SLC4A4: variants seen among roughly 807,000 people sequenced by gnomAD.
SLC4A4 encodes the protein electrogenic sodium bicarbonate cotransporter 1.
In SLC4A4, 27 loss-of-function variants were observed where a neutral mutation model predicts 111.5. That is an observed-to-expected ratio of 0.24 (90% CI 0.18 to 0.33). The LOEUF is 0.33. SLC4A4 is among the 10% of genes least tolerant of loss of function. The probability of loss-of-function intolerance (pLI) is 1.00; values close to 1 mark genes in which losing one functional copy is unlikely to be tolerated. For synonymous variants in SLC4A4, 443 were observed against 463.4 expected, an observed-to-expected ratio of 0.96 and a Z score of 0.57; for missense variants, 909 against 1,315.5, an observed-to-expected ratio of 0.69 and a Z score of 4.78.
chr4:71,372,954 A>C (rs1732020819), intron 6 of SLC4A4, among the ~76,000 whole-genome samples: 1 of 152,148 alleles, frequency 6.6e-6, no homozygotes. Context: ...CTGAATTGTA[A>C]GTGGACATTT....
rs561131915 is a variant in SLC4A4 at position 71,240,458 on chromosome 4, G to A, written c.73+3809G>A. Among the ~76,000 whole-genome samples the A allele has an allele frequency of 3.9e-4, 59 of 152,250 alleles. No homozygotes were observed. The South Asian group carries it at 0.012, about 31-fold the overall frequency. On this transcript the variant is annotated intron_variant, in intron 2 of 25. Transcript: ENST00000264485. Reference sequence around the variant, plus strand: ...TTGGTTGAAATGTGTCTCCATTTTTGAGGCTTGGTCAGTACTCTCCTAGAG... The same window carrying A: ...TTGGTTGAAATGTGTCTCCATTTTTAAGGCTTGGTCAGTACTCTCCTAGAG...
At chr4:71,179,599 C>A (rs1745220395) in intron 2 of SLC4A4, among the ~76,000 whole-genome samples, 1 of 152,130 alleles carries the variant, frequency 6.6e-6, no homozygotes, top group South Asian at 2.1e-4. Context: ...CTCCCATTCA[C>A]AATTGCTTCA....
chr4:71,190,403 C>T (rs1453929327), intron 1 of SLC4A4, among the ~76,000 whole-genome samples: 4 of 150,406 alleles, frequency 2.7e-5, no homozygotes, highest in Non-Finnish European at 4.4e-5. Flanking sequence ...CACACACACA[C>T]ACACACACAC....
chr4:71,099,789 GA>G (rs1742669062), intron 2 of SLC4A4, among the ~76,000 whole-genome samples: 1 of 152,100 alleles, frequency 6.6e-6, no homozygotes, highest in Non-Finnish European at 1.5e-5. Flanking sequence ...CTGACCCACA[GA>G]AATAAAAGTA....
chr4:71,492,517 A>G (rs779219836), intron 15 of SLC4A4, among the ~76,000 whole-genome samples: 6 of 151,930 alleles, frequency 3.9e-5, no homozygotes, highest in Non-Finnish European at 5.9e-5. Flanking sequence ...CTTTTCCCCC[A>G]GTACCCATTT....
At chr4:71,385,630 A>G (rs887573271) in intron 6 of SLC4A4, among the ~76,000 whole-genome samples, 1 of 152,188 alleles carries the variant, frequency 6.6e-6, no homozygotes, top group African/African-American at 2.4e-5. Flanking sequence ...AAAGCTGTGT[A>G]ATGAACTGTA....
intron 5 of SLC4A4, among the ~76,000 whole-genome samples, chr4:71,356,011 C>A (rs189416758): frequency 6.6e-6 from 1 of 152,314 alleles, no homozygotes; most frequent in East Asian, 1.9e-4. Context: ...TACTTGCATA[C>A]CTTGAGACAG....
At chr4:71,080,747 A>C (rs1196589497) in intron 1 of SLC4A4, among the ~76,000 whole-genome samples, 2 of 151,894 alleles carry the variant, frequency 1.3e-5, no homozygotes, top group Non-Finnish European at 2.9e-5. Flanking sequence ...GCTCCTCCTC[A>C]TTTCACCTGG....
chr4:71,424,925 G>T (rs1412420619), intron 7 of SLC4A4, among the ~76,000 whole-genome samples: 1 of 151,926 alleles, frequency 6.6e-6, no homozygotes, highest in Non-Finnish European at 1.5e-5. Flanking sequence ...CACCAACATG[G>T]CACATGTATA....
At chr4:71,234,081 A>T (rs1719633111) in intron 1 of SLC4A4, among the ~76,000 whole-genome samples, 1 of 152,130 alleles carries the variant, frequency 6.6e-6, no homozygotes, top group African/African-American at 2.4e-5. Flanking sequence ...CTTGGAACAC[A>T]TTACCTGCAA....
At chr4:71,238,822 G>T (rs1246790543) in intron 2 of SLC4A4, among the ~76,000 whole-genome samples, 2 of 152,114 alleles carry the variant, frequency 1.3e-5, no homozygotes, top group Non-Finnish European at 2.9e-5. Flanking sequence ...ATTGGTGGGG[G>T]TGGGAGGTCT....
intron 16 of SLC4A4, among the ~76,000 whole-genome samples, chr4:71,517,634 G>A (rs1732530748): frequency 6.6e-6 from 1 of 151,856 alleles, no homozygotes; most frequent in Admixed American, 6.6e-5. Flanking sequence ...TGATTACTGG[G>A]GCTTTATTTT....
chr4:71,480,269 G>A (rs1002985999), intron 14 of SLC4A4, among the ~76,000 whole-genome samples: 2 of 151,378 alleles, frequency 1.3e-5, no homozygotes, highest in Non-Finnish European at 1.5e-5. Flanking sequence ...TGTGAAGAGT[G>A]CCTGTAGATT....
At chr4:71,567,196 A>G (rs1256710614) in intron 25 of SLC4A4, 113 bp downstream of exon 25, 1 of 866,044 alleles carries the variant, frequency 1.2e-6, no homozygotes, top group Non-Finnish European at 1.8e-6. Context: ...TCTATTATTT[A>G]TCTTAAATAA....
At chr4:71,170,587 TTTTA>T (rs1461260720) in intron 2 of SLC4A4, among the ~76,000 whole-genome samples, 1 of 152,236 alleles carries the variant, frequency 6.6e-6, no homozygotes, top group Non-Finnish European at 1.5e-5. Flanking sequence ...TTATTAATTG[TTTTA>T]TTTATTCATT....
intron 2 of SLC4A4, among the ~76,000 whole-genome samples, chr4:71,146,767 C>G (rs189033693): frequency 6.6e-6 from 1 of 152,094 alleles, no homozygotes. Flanking sequence ...ACAACTGGTA[C>G]CAGCCACTGC....
At chr4:71,071,717 C>T (rs1048285379) in intron 1 of SLC4A4, among the ~76,000 whole-genome samples, 2 of 152,134 alleles carry the variant, frequency 1.3e-5, no homozygotes, top group African/African-American at 2.4e-5. Context: ...TTATTTAACT[C>T]TACTATCTTG....
At position 71,398,298 on chromosome 4, in the gene SLC4A4, A is replaced by AG. The variant is rs1720020289; in HGVS notation, c.807+645_807+646insG. Among the ~76,000 whole-genome samples the AG allele has an allele frequency of 4.6e-5, 7 of 152,156 alleles. No homozygotes were observed. The South Asian group carries it at 1.5e-3, about 32-fold the overall frequency. ...AGACTTTGTCTCAAAAAAAAAAAAA[A>AG]AAAAGAAATGCTAAGAAATGCTGAA... On this transcript the variant is annotated intron_variant, in intron 7 of 25. Coordinates refer to ENST00000264485, the MANE Select transcript of SLC4A4 (RefSeq NM_001098484.3).
intron 6 of SLC4A4, among the ~76,000 whole-genome samples, chr4:71,376,032 C>CATATATATACATATATACACGTAT (rs1208983022): frequency 6.7e-6 from 1 of 150,018 alleles, no homozygotes; most frequent in African/African-American, 2.5e-5. Context: ...ACCAAAACTA[C>CATATATATACATATATACACGTAT]ATATATATAC....
Sources: allele counts gnomAD v4.1 joint callset (sites outside exome capture counted in the v4.1 genomes callset), GRCh38; gene constraint gnomAD v4.1.1; transcripts MANE v1.5; gene names NCBI Gene and HGNC (gene_info 2026-07-23, HGNC 2026-07-21).